The following TONSL variants were observed in gnomAD, a reference collection of about 807,000 sequenced individuals.
The protein encoded by TONSL is tonsoku-like protein.
Under a neutral mutation model 147.1 loss-of-function variants are expected in TONSL, and 112 were observed. The observed-to-expected ratio is 0.76, with a 90% CI of 0.65 to 0.89. The LOEUF (loss-of-function observed/expected upper bound fraction) is 0.89. Among genes scored for constraint, TONSL ranks in the 40% least tolerant of loss-of-function variants. The probability of loss-of-function intolerance (pLI) is 0.00; values close to 1 mark genes in which losing one functional copy is unlikely to be tolerated. For missense variants in TONSL, 1,883 were observed against 1,864.6 expected, an observed-to-expected ratio of 1.01 and a Z score of -0.18; for synonymous variants, 868 against 801.5, an observed-to-expected ratio of 1.08 and a Z score of -1.40.
At position 144,434,198 on chromosome 8, in the gene TONSL, T is replaced by TGGTCCA. The variant is rs1188635615; in HGVS notation, c.3161_3166dup (p.Leu1054_Asp1055dup). ...CCGCAGCAGGGGTGTAAGCTGGGCC[T>TGGTCCA]GGTCCAGGGCCAGGGAGCAGGCGCT... On this transcript the variant is annotated inframe_insertion, in exon 21 of 26. Transcript: ENST00000409379. The TGGTCCA allele has an allele frequency of 1.9e-6, 3 of 1,589,708 alleles. No homozygotes were observed. Among genetic ancestry groups the TGGTCCA allele is most frequent in the Non-Finnish European group, 2.6e-6 (3 of 1,165,098 alleles).
chr8:144,441,254 G>A, intron 7 of TONSL, 143 bp from the exon 8 acceptor site: 1 of 1,215,002 alleles, frequency 8.2e-7, no homozygotes, highest in Non-Finnish European at 1.1e-6. Flanking sequence ...TAATAGCAGG[G>A]TCTATCTTGG....
In TONSL at chr8:144,434,206, G is replaced by C; in HGVS notation, c.3159C>G (p.Ala1053=). The change falls in exon 21 of 26, where the codon GCC becomes GCG. Residue 1053 remains alanine (A), a synonymous_variant. Coordinates refer to ENST00000409379, the MANE Select transcript of TONSL (RefSeq NM_013432.5). ...LGLSFSACSL[A]LDQAQLTPLL... The stretch of plus-strand genomic sequence containing the variant: ...GGGGTGTAAGCTGGGCCTGGTCCAG[G>C]GCCAGGGAGCAGGCGCTGAACGAGA... The C allele has an allele frequency of 6.3e-7, 1 of 1,579,078 alleles. No individual in the cohort carries two copies. The highest frequency in any genetic ancestry group is 1.1e-5 in the South Asian group (1 of 87,838).
intron 21 of TONSL, 104 bp downstream of exon 21, chr8:144,433,874 G>A (rs782183713): frequency 1.9e-4 from 277 of 1,462,276 alleles, no homozygotes; most frequent in Non-Finnish European, 2.4e-4. Flanking sequence ...TATTACAGCC[G>A]GGCACTGGCT....
At chr8:144,443,346 T>C (rs1207553490) in intron 3 of TONSL, 25 bp from the exon 4 acceptor site, 1 of 1,538,932 alleles carries the variant, frequency 6.5e-7, no homozygotes. Context: ...AAGTCACTGC[T>C]GTGAGCCGAC....
chr8:144,430,464 C>T lies in TONSL; in HGVS notation c.3883G>A (p.Glu1295Lys). The change falls in exon 25 of 26, where the codon GAA (glutamate) becomes AAA (lysine). Residue 1295 changes from glutamate (E) to lysine (K), a missense_variant. Coordinates refer to ENST00000409379, the MANE Select transcript of TONSL (RefSeq NM_013432.5). ...ANPEISCASL[E>K]ELLSTLQKRP... is the part of the protein sequence containing the mutation. The stretch of plus-strand genomic sequence containing the variant: ...TTTTGGAGGGTGGACAGGAGCTCTT[C>T]CAAGCTGGCACAGCTGATCTCAGGG... 1 of 1,613,372 alleles carries T rather than the reference C, an allele frequency of 6.2e-7. No homozygotes were observed. Among genetic ancestry groups the T allele is most frequent in the Non-Finnish European group, 8.5e-7 (1 of 1,179,702 alleles).
Position 144,440,413 on chromosome 8 carries a change from G to A in TONSL, c.1228C>T (p.Leu410=), listed in dbSNP as rs757510489. The A allele has an allele frequency of 1.9e-6, 3 of 1,608,586 alleles. No homozygotes were observed. The highest frequency in any genetic ancestry group is 2.5e-6 in the Non-Finnish European group (3 of 1,177,222). Residue 410 remains leucine (L), a synonymous_variant, in exon 10 of 26, where the codon CTG becomes TTG. Transcript: ENST00000409379. ...REEAGDAYEL[L]APCFQKALSC... The stretch of plus-strand genomic sequence containing the variant: ...AGCGCTTTCTGGAAGCACGGGGCCA[G>A]CAGCTCGTAGGCATCGCCGGCCTCC...
chr8:144,431,553 C>T (rs1438697088), intron 23 of TONSL, among the ~76,000 whole-genome samples: 1 of 151,676 alleles, frequency 6.6e-6, no homozygotes, highest in African/African-American at 2.4e-5. Flanking sequence ...CTCGCTCTGT[C>T]GCCCAGGGTG....
In TONSL at chr8:144,436,888, C is replaced by A; in HGVS notation, c.1759G>T (p.Ala587Ser). The A allele has an allele frequency of 1.9e-6, 3 of 1,608,638 alleles. No individual in the cohort carries two copies. Among genetic ancestry groups the A allele is most frequent in the Non-Finnish European group, 2.5e-6 (3 of 1,179,362 alleles). Residue 587 changes from alanine (A) to serine (S), a missense_variant, in exon 15 of 26, where the codon GCA becomes TCA. Physicochemically the swap from Ala to Ser is moderately conservative, Grantham distance 99. Coordinates refer to ENST00000409379, the MANE Select transcript of TONSL (RefSeq NM_013432.5). The stretch of plus-strand genomic sequence containing the variant: ...CCCTGGCCACCTGGGTCGTCCACTG[C>A]GGCCCCGTGGTCCAGCAGGAAGCGG... Reference protein sequence around the residue: ...IVRFLLDHGAAVDDPGGQGCE... With the variant: ...IVRFLLDHGASVDDPGGQGCE...
intron 22 of TONSL, 176 bp from the exon 23 acceptor site, chr8:144,432,636 C>T (rs1197563742): frequency 1.5e-5 from 9 of 603,666 alleles, no homozygotes; most frequent in South Asian, 9.7e-5. Context: ...GCTGGGAGGG[C>T]GGGGCCAGAC....
Position 144,438,710 on chromosome 8 carries a change from CGG to C in TONSL, c.1504_1505del (p.Pro502AlafsTer54). 1.2e-6 allele frequency: 2 copies of C among 1,613,216 alleles called. No individual in the cohort carries two copies. Among genetic ancestry groups the C allele is most frequent in the Non-Finnish European group, 1.7e-6 (2 of 1,179,946 alleles). On this transcript the variant is annotated frameshift_variant, in exon 12 of 26. Transcript: ENST00000409379. LOFTEE classifies it high-confidence loss of function. ...EGEDDTDGLT[P>X]QLEEDEELQG... is the part of the protein sequence containing the mutation. The stretch of plus-strand genomic sequence containing the variant: ...GAAGCTCCTCGTCCTCCTCCAGCTG[CGG>C]GGTCAGGCCATCGGTGTCGTCCTCT...
At position 144,435,473 on chromosome 8, in the gene TONSL, C is replaced by G; in HGVS notation, c.2852+1G>C. The G allele has an allele frequency of 1.9e-6, 3 of 1,544,466 alleles. No individual in the cohort carries two copies. ...GCGGGGTAGGGCAGGCGATGCCTCA[C>G]CTGTGTGGGACAGGGATGAGGAAGA... On this transcript the variant is annotated splice_donor_variant, in intron 18 of 25. Transcript: ENST00000409379. LOFTEE classifies it high-confidence loss of function.
chr8:144,436,212 T>C lies in TONSL; in HGVS notation c.2221A>G (p.Ser741Gly). ...RRSRHGPASS[S>G]SSSEGEDSAG... ...CTGTCCTCGCCTTCTGAGCTGCTGC[T>C]GCTGCTGGCTGGCCCATGCCTGCTC... Residue 741 changes from serine (S) to glycine (G), a missense_variant, in exon 17 of 26, where the codon AGC becomes GGC. Transcript: ENST00000409379. The C allele has an allele frequency of 1.3e-6, 2 of 1,565,870 alleles. No homozygotes were observed. Among genetic ancestry groups the C allele is most frequent in the Non-Finnish European group, 1.7e-6 (2 of 1,158,918 alleles).
At chr8:144,438,947 C>A (rs1194457698) in intron 11 of TONSL, among the ~76,000 whole-genome samples, 1 of 152,132 alleles carries the variant, frequency 6.6e-6, no homozygotes, top group Non-Finnish European at 1.5e-5. Flanking sequence ...TGCTCCTGCC[C>A]ACCATCCCTC....
At chr8:144,441,263 G>C (rs2129686697) in intron 7 of TONSL, 152 bp from the exon 8 acceptor site, 1 of 1,147,578 alleles carries the variant, frequency 8.7e-7, no homozygotes, top group African/African-American at 1.6e-5. Flanking sequence ...GGTCTATCTT[G>C]GGGACTGGTC....
At chr8:144,444,120 C>A in intron 2 of TONSL, 60 bp downstream of exon 2, 1 of 1,303,260 alleles carries the variant, frequency 7.7e-7, no homozygotes, top group Middle Eastern at 2.9e-4. Flanking sequence ...CCCCGGCCCC[C>A]GATCCCGGCC....
In TONSL at chr8:144,435,488, G is replaced by A; in HGVS notation, c.2838C>T (p.Ile946=). The A allele has an allele frequency of 6.5e-7, 1 of 1,548,686 alleles. No homozygotes were observed. Among genetic ancestry groups the A allele is most frequent in the Non-Finnish European group, 8.7e-7 (1 of 1,145,692 alleles). ...RVQVQDHLFL[I]PVPHSSDTHS... ...CGATGCCTCACCTGTGTGGGACAGGGATGAGGAAGAGATGATCCTGAACTT... is the reference window on the plus strand; with the variant it reads ...CGATGCCTCACCTGTGTGGGACAGGAATGAGGAAGAGATGATCCTGAACTT... Residue 946 remains isoleucine, a synonymous_variant, in exon 18 of 26, where the codon ATC becomes ATT. Transcript: ENST00000409379.
At chr8:144,439,369 C>A (rs950833347) in intron 11 of TONSL, among the ~76,000 whole-genome samples, 3 of 152,178 alleles carry the variant, frequency 2.0e-5, no homozygotes, top group Non-Finnish European at 4.4e-5. Context: ...CAGCAACCAA[C>A]CTGGCAAGGC....
At position 144,433,609 on chromosome 8, in the gene TONSL, C is replaced by T. The variant is rs752960290; in HGVS notation, c.3538G>A (p.Ala1180Thr). The change falls in exon 22 of 26, where the codon GCA becomes ACA. Residue 1180 changes from alanine to threonine, a missense_variant. Transcript: ENST00000409379. ...TCACCTTGGAAAGCACTACCCAGTG[C>T]TGTCTGGTGGCTCAGAAAGAAGCTG... ...GPSFFLSHQT[A>T]LGSAFQDAEH... 4.3e-6 allele frequency: 7 copies of T among 1,613,426 alleles called. No homozygotes were observed. The highest frequency in any genetic ancestry group is 1.7e-5 in the Admixed American group (1 of 59,998).
intron 25 of TONSL, among the ~76,000 whole-genome samples, 187 bp from the exon 26 acceptor site, chr8:144,429,523 C>T (rs1418749370): frequency 6.6e-6 from 1 of 152,222 alleles, no homozygotes; most frequent in African/African-American, 2.4e-5. Flanking sequence ...GCACAGCCAG[C>T]GGTCAGACAG....
Sources: allele counts gnomAD v4.1 joint callset (sites outside exome capture counted in the v4.1 genomes callset), GRCh38; gene constraint gnomAD v4.1.1; transcripts MANE v1.5; gene names NCBI Gene and HGNC (gene_info 2026-07-23, HGNC 2026-07-21).